Variants in MAD1L1 observed in about 807,000 individuals in gnomAD.
MAD1L1 encodes mitotic spindle assembly checkpoint protein MAD1.
MAD1L1 carries 95 observed loss-of-function variants against 96.9 expected under a neutral mutation model. That is an observed-to-expected ratio of 0.98 (90% CI 0.83 to 1.16). MAD1L1 has a LOEUF of 1.16. Among genes scored for constraint, MAD1L1 ranks in the 50% most tolerant of loss-of-function variants. The pLI is 0.00. For missense variants in MAD1L1, 1,007 were observed against 954.4 expected, an observed-to-expected ratio of 1.06 and a Z score of -0.73; for synonymous variants, 473 against 396.6, an observed-to-expected ratio of 1.19 and a Z score of -2.29.
chr7:1,952,304 C>T (rs900099611), intron 16 of MAD1L1, among the ~76,000 whole-genome samples: 1 of 152,238 alleles, frequency 6.6e-6, no homozygotes, highest in Non-Finnish European at 1.5e-5. Context: ...GGACTGCGGC[C>T]GACTCAGCCT....
chr7:1,907,081 G>A (rs1562511946), intron 17 of MAD1L1, among the ~76,000 whole-genome samples: 1 of 152,118 alleles, frequency 6.6e-6, no homozygotes, highest in Non-Finnish European at 1.5e-5. Context: ...GAGAGCCAGG[G>A]GCCTCCAGGG....
intron 11 of MAD1L1, among the ~76,000 whole-genome samples, chr7:2,099,404 G>A (rs1786664570): frequency 1.3e-5 from 2 of 152,186 alleles, no homozygotes; most frequent in Admixed American, 6.5e-5. Flanking sequence ...TTCCTCTCTC[G>A]CTGCCTTCTT....
intron 14 of MAD1L1, among the ~76,000 whole-genome samples, chr7:1,986,542 G>A (rs937280452): frequency 6.7e-6 from 1 of 149,370 alleles, no homozygotes. Flanking sequence ...CGCCGGCAAG[G>A]GGGTTCTACT....
rs1307427231 is a variant in MAD1L1 at position 2,146,200 on chromosome 7, C to T, written c.1073+2952G>A. ...GCACAAGCATTCCGAGATGCTGCCACGTGAGCTACCCCAGCGGCACCGTCA... is the reference window on the plus strand; with the variant it reads ...GCACAAGCATTCCGAGATGCTGCCATGTGAGCTACCCCAGCGGCACCGTCA... On this transcript the variant is annotated intron_variant, in intron 11 of 18. Transcript: ENST00000265854. This position sits in a 1 kb window ranked among gnomAD's most constrained non-coding sequence, Gnocchi z 6.2. Among the ~76,000 whole-genome samples the T allele has an allele frequency of 2.0e-5, 3 of 152,188 alleles. No individual in the cohort carries two copies. Among genetic ancestry groups the T allele is most frequent in the Admixed American group, 6.5e-5 (1 of 15,286 alleles).
intron 15 of MAD1L1, among the ~76,000 whole-genome samples, chr7:1,960,145 C>A (rs943829870): frequency 2.0e-5 from 3 of 151,322 alleles, no homozygotes; most frequent in Admixed American, 6.6e-5. Flanking sequence ...ATACTATATA[C>A]CCTACAGCAA....
intron 11 of MAD1L1, among the ~76,000 whole-genome samples, chr7:2,072,909 C>T (rs549598107): frequency 6.6e-6 from 1 of 152,306 alleles, no homozygotes; most frequent in East Asian, 1.9e-4. Context: ...GGCTGGAGTC[C>T]CCCCGCCACG....
At position 1,905,299 on chromosome 7, in the gene MAD1L1, T is replaced by C. The variant is rs1787555440; in HGVS notation, c.1808-6909A>G. 3.3e-5 allele frequency among the ~76,000 whole-genome samples: 3 copies of C among 91,672 alleles called. 1 individual carries two copies. The highest frequency in any genetic ancestry group is 7.2e-5 in the Non-Finnish European group (3 of 41,506). 60.1% of individuals were successfully genotyped at this position (91,672 alleles called of 152,430 possible). The stretch of plus-strand genomic sequence containing the variant: ...GCGGAACTCATGATTGATAAAGCAC[T>C]GTTCCAGGCAGCAAGGATGCAGTGG... On this transcript the variant is annotated intron_variant, in intron 17 of 18. Coordinates refer to ENST00000265854, the MANE Select transcript of MAD1L1 (RefSeq NM_001013836.2).
chr7:2,219,658 G>A (rs1488868944), intron 5 of MAD1L1, among the ~76,000 whole-genome samples: 4 of 131,770 alleles, frequency 3.0e-5, no homozygotes, highest in African/African-American at 8.2e-5. Context: ...GGGGCAGATG[G>A]CAAGGGGGCA....
chr7:2,160,677 G>A (rs1200692014), intron 10 of MAD1L1, among the ~76,000 whole-genome samples: 3 of 151,882 alleles, frequency 2.0e-5, no homozygotes, highest in African/African-American at 7.3e-5. Context: ...CTGTCGCCCA[G>A]GCTGGAGTGC....
At chr7:1,884,998 T>C (rs1210579306) in intron 18 of MAD1L1, among the ~76,000 whole-genome samples, 2 of 152,188 alleles carry the variant, frequency 1.3e-5, no homozygotes, top group Non-Finnish European at 2.9e-5. Context: ...TCACTGTGCA[T>C]GAAGTTACCC....
intron 11 of MAD1L1, among the ~76,000 whole-genome samples, chr7:2,137,626 G>A (rs965064458): frequency 9.9e-5 from 15 of 152,194 alleles, no homozygotes; most frequent in African/African-American, 3.4e-4. Context: ...AGCCCCAGGT[G>A]CAGACAGGCT....
chr7:1,943,751 C>T (rs1333649687), intron 16 of MAD1L1, among the ~76,000 whole-genome samples: 1 of 152,000 alleles, frequency 6.6e-6, no homozygotes, highest in Non-Finnish European at 1.5e-5. Flanking sequence ...GAGAGAACTG[C>T]ACACACATCT....
At position 1,957,693 on chromosome 7, in the gene MAD1L1, T is replaced by A. The variant is rs754533466; in HGVS notation, c.1532A>T (p.Glu511Val). 6.2e-7 allele frequency: 1 copy of A among 1,614,064 alleles called. No homozygotes were observed. Among genetic ancestry groups the A allele is most frequent in the Non-Finnish European group, 8.5e-7 (1 of 1,180,038 alleles). ...LRLKVEELEG[E>V]RSRLEEEKRM... ...CTTTTCCTCCTCCAGCCGACTCCGC[T>A]CGCCTTCCAGCTCCTCGACCTTCAA... The change falls in exon 16 of 19, where the codon GAG (glutamate) becomes GTG (valine). Residue 511 changes from glutamate (E) to valine (V), a missense_variant. Coordinates refer to ENST00000265854, the MANE Select transcript of MAD1L1 (RefSeq NM_001013836.2).
chr7:2,146,316 C>T lies in MAD1L1; in HGVS notation c.1073+2836G>A, dbSNP rs751354688. Among the ~76,000 whole-genome samples the T allele has an allele frequency of 6.6e-6, 1 of 151,566 alleles. No individual in the cohort carries two copies. The highest frequency in any genetic ancestry group is 1.5e-5 in the Non-Finnish European group (1 of 67,910). On this transcript the variant is annotated intron_variant, in intron 11 of 18. Transcript: ENST00000265854. The surrounding 1 kb of genome is among the most constrained non-coding windows in gnomAD (Gnocchi z 6.2). ...TGAGGGAGCACCGGGCACTGGGCTA[C>T]GAGGAACAGGGCACCGCCTCGAAGA... is the stretch of plus-strand genomic sequence containing the variant.
At chr7:2,033,189 G>A (rs1584137847) in intron 12 of MAD1L1, among the ~76,000 whole-genome samples, 1 of 152,360 alleles carries the variant, frequency 6.6e-6, no homozygotes, top group African/African-American at 2.4e-5. Context: ...TGGGCCCTTC[G>A]ATCATCCCAT....
chr7:1,862,643 G>A (rs1784588245), intron 18 of MAD1L1, among the ~76,000 whole-genome samples: 1 of 152,242 alleles, frequency 6.6e-6, no homozygotes, highest in Non-Finnish European at 1.5e-5. Context: ...CCAGCAAGTG[G>A]CTGCCATCTA....
intron 11 of MAD1L1, among the ~76,000 whole-genome samples, chr7:2,091,950 CG>C (rs1328523582): frequency 6.6e-5 from 10 of 152,270 alleles, no homozygotes; most frequent in Admixed American, 6.5e-4. Flanking sequence ...GCTATAAACA[CG>C]CACATTCAGG....
intron 12 of MAD1L1, among the ~76,000 whole-genome samples, chr7:2,055,112 C>T (rs1784334392): frequency 6.6e-6 from 1 of 152,248 alleles, no homozygotes; most frequent in African/African-American, 2.4e-5. Flanking sequence ...CCAAGCCTCC[C>T]TCCAGGCACT....
At chr7:1,869,856 G>A (rs1370786869) in intron 18 of MAD1L1, among the ~76,000 whole-genome samples, 1 of 152,184 alleles carries the variant, frequency 6.6e-6, no homozygotes, top group Non-Finnish European at 1.5e-5. Context: ...GGGCAGGCAG[G>A]TTCAGGTCCA....
Sources: gnomAD v4.1 joint callset for allele counts (sites outside exome capture counted in the v4.1 genomes callset) on GRCh38, gnomAD v4.1.1 for gene constraint, Gnocchi (gnomAD v3.1) non-coding constraint, MANE v1.5 for transcripts, NCBI Gene and HGNC (gene_info 2026-07-23, HGNC 2026-07-21) for gene names.